SLC35D1: variants seen among roughly 807,000 people sequenced by gnomAD.
SLC35D1 encodes nucleotide sugar transporter SLC35D1.
SLC35D1 carries 31 observed loss-of-function variants against 46.7 expected under a neutral mutation model. The observed-to-expected ratio is 0.66, with a 90% CI of 0.50 to 0.90. The LOEUF is 0.90. Ranked by LOEUF, SLC35D1 falls within the 40% of genes least tolerant of loss-of-function variation. The probability of loss-of-function intolerance (pLI) is 0.00; values close to 1 mark genes in which losing one functional copy is unlikely to be tolerated. For missense variants in SLC35D1, 397 were observed against 426.2 expected (o/e 0.93, Z 0.60); for synonymous variants, 195 against 164.6 (o/e 1.18, Z -1.41).
intron 8 of SLC35D1, among the ~76,000 whole-genome samples, chr1:67,038,396 T>A (rs1668167744): frequency 6.6e-6 from 1 of 152,186 alleles, no homozygotes; most frequent in Non-Finnish European, 1.5e-5. Flanking sequence ...GCCAGTGATA[T>A]AATGGAGACA....
At chr1:66,998,469 G>C (rs1277188023), downstream of SLC35D1, among the ~76,000 whole-genome samples, 3 of 152,008 alleles carry the variant, frequency 2.0e-5, no homozygotes, top group African/African-American at 7.3e-5. Context: ...CTCCAGCCTG[G>C]GCAACAAGAG....
chr1:67,038,915 C>T (rs1477991326), intron 8 of SLC35D1, among the ~76,000 whole-genome samples: 4 of 152,012 alleles, frequency 2.6e-5, no homozygotes, highest in Non-Finnish European at 2.9e-5. Context: ...ATTATGTGCT[C>T]ACTGGGACGA....
the SLC35D1 span, chr1:66,986,569 A>C: frequency 3.2e-6 from 3 of 944,460 alleles, no homozygotes; most frequent in Non-Finnish European, 5.1e-6. Context: ...ACCCCCATGA[A>C]GTATTACTGT....
the SLC35D1 span, among the ~76,000 whole-genome samples, chr1:66,975,997 T>TGC: frequency 2.0e-4 from 30 of 151,978 alleles, 1 homozygote; most frequent in East Asian, 4.2e-3. Flanking sequence ...TTTTTGTGTG[T>TGC]GTGTGTGTGA....
intron 4 of SLC35D1, 59 bp from the exon 5 acceptor site, chr1:67,050,563 A>T (rs1334182369): frequency 7.2e-7 from 1 of 1,385,174 alleles, no homozygotes; most frequent in Non-Finnish European, 1.0e-6. Flanking sequence ...TTAAACTAAG[A>T]TTTTCCAAAT....
chr1:67,032,549 C>G (rs1044719028), intron 8 of SLC35D1, among the ~76,000 whole-genome samples: 1 of 151,796 alleles, frequency 6.6e-6, no homozygotes, highest in Non-Finnish European at 1.5e-5. Flanking sequence ...GGCGTGGTGG[C>G]GTGCACCTGT....
At chr1:67,022,281 C>G (rs2755245) in intron 8 of SLC35D1, among the ~76,000 whole-genome samples, 117,897 of 152,096 alleles carry the variant, frequency 0.78, 45,974 homozygotes, top group South Asian at 0.88. Context: ...GCAAATGTGA[C>G]AAACATTCCA....
chr1:66,980,817 T>C, the SLC35D1 span, among the ~76,000 whole-genome samples: 2 of 151,916 alleles, frequency 1.3e-5, no homozygotes, highest in Non-Finnish European at 2.9e-5. Context: ...CAGCAAACTT[T>C]TTCTGTAACA....
chr1:67,019,189 TC>T (rs1407030534), intron 10 of SLC35D1, among the ~76,000 whole-genome samples: 2 of 152,220 alleles, frequency 1.3e-5, no homozygotes, highest in Non-Finnish European at 2.9e-5. Flanking sequence ...TCCGGCATCA[TC>T]CGTCTCCTTA....
At chr1:66,980,223 T>C in the SLC35D1 span, among the ~76,000 whole-genome samples, 1 of 152,244 alleles carries the variant, frequency 6.6e-6, no homozygotes, top group Non-Finnish European at 1.5e-5. Flanking sequence ...TTATGTAATT[T>C]TTCTATAATT....
chr1:67,032,788 T>A (rs1482114677), intron 8 of SLC35D1, among the ~76,000 whole-genome samples: 1 of 152,186 alleles, frequency 6.6e-6, no homozygotes, highest in Non-Finnish European at 1.5e-5. Flanking sequence ...CTCTTTTAGC[T>A]ATATTTTGAA....
At position 67,033,909 on chromosome 1, in the gene SLC35D1, C is replaced by T. The variant is rs556397168; in HGVS notation, c.729+8327G>A. ...GCGTCATTTTTTGCATATGTACACC[C>T]GGCTTTCCCTGAACCATACACTGAA... On this transcript the variant is annotated intron_variant, in intron 8 of 11. Coordinates refer to ENST00000235345, the MANE Select transcript of SLC35D1 (RefSeq NM_015139.3). Among the ~76,000 whole-genome samples, 8 of 152,256 alleles carry T rather than the reference C, an allele frequency of 5.3e-5. No homozygotes were observed. The South Asian group carries it at 6.2e-4, about 12-fold the overall frequency.
At chr1:67,006,406 T>C (rs1233999783) in intron 11 of SLC35D1, among the ~76,000 whole-genome samples, 1 of 152,178 alleles carries the variant, frequency 6.6e-6, no homozygotes, top group Non-Finnish European at 1.5e-5. Flanking sequence ...TCAATTTCCC[T>C]TTGCCTCCAA....
chr1:67,042,947 CA>C (rs1170158488), intron 7 of SLC35D1, among the ~76,000 whole-genome samples: 3 of 151,964 alleles, frequency 2.0e-5, no homozygotes, highest in Admixed American at 2.0e-4. Context: ...CCTGTAATCC[CA>C]GCACTTTGGG....
At chr1:67,006,441 GGCTACCTCTCC>G (rs1667449064) in intron 11 of SLC35D1, among the ~76,000 whole-genome samples, 1 of 151,886 alleles carries the variant, frequency 6.6e-6, no homozygotes, top group Admixed American at 6.6e-5. Flanking sequence ...AAAGTAGAAG[GGCTACCTCTCC>G]TTTCTTTCAT....
At chr1:67,046,842 T>G (rs902330403) in intron 7 of SLC35D1, among the ~76,000 whole-genome samples, 6 of 152,228 alleles carry the variant, frequency 3.9e-5, no homozygotes, top group African/African-American at 1.2e-4. Context: ...TTTCCCATTA[T>G]TTATAGGGCA....
chr1:67,027,337 T>G (rs1265988886), intron 8 of SLC35D1, among the ~76,000 whole-genome samples: 2 of 152,202 alleles, frequency 1.3e-5, no homozygotes, highest in Non-Finnish European at 2.9e-5. Context: ...AAAAAAAATC[T>G]TAGCTTTTAG....
chr1:67,034,700 AG>A (rs967382840), intron 8 of SLC35D1, among the ~76,000 whole-genome samples: 4 of 152,124 alleles, frequency 2.6e-5, no homozygotes, highest in African/African-American at 9.7e-5. Context: ...TGATTTAGCT[AG>A]GACTTCCAGT....
In SLC35D1 at chr1:67,001,583, T is replaced by C. The variant is rs932332090; in HGVS notation, c.*2757A>G. 6 of 152,364 alleles carry C rather than the reference T, an allele frequency of 3.9e-5. No individual in the cohort carries two copies. Among genetic ancestry groups the C allele is most frequent in the African/African-American group, 1.4e-4 (6 of 41,458 alleles). The allele number at this position is 152,364 out of a possible 1,614,324, so 9.4% of individuals were successfully genotyped here. A position where few individuals can be genotyped will look rare whatever the true frequency, so the allele number is the denominator to read the frequency against. ...AGTGGGCAAATTAAGGATTTAACTC[T>C]GTATTGCCTCTTTTTCTCCCAGGAG... is the stretch of plus-strand genomic sequence containing the variant. On this transcript the variant is annotated 3_prime_UTR_variant, in exon 12 of 12. Coordinates refer to ENST00000235345, the MANE Select transcript of SLC35D1 (RefSeq NM_015139.3).
Sources: gnomAD v4.1 joint callset for allele counts (sites outside exome capture counted in the v4.1 genomes callset) on GRCh38, gnomAD v4.1.1 for gene constraint, MANE v1.5 for transcripts, NCBI Gene and HGNC (gene_info 2026-07-23, HGNC 2026-07-21) for gene names.